The following SLC39A11 variants were observed in gnomAD, a reference collection of about 807,000 sequenced individuals.
SLC39A11 encodes the protein solute carrier family 39 member 11, also known as zinc transporter ZIP11.
A neutral mutation model predicts 36.1 loss-of-function variants in SLC39A11; 33 were observed. That is an observed-to-expected ratio of 0.91 (90% CI 0.69 to 1.22). The LOEUF is 1.22. Ranked by LOEUF, SLC39A11 falls within the 50% of genes most tolerant of loss-of-function variation. The pLI, the probability that SLC39A11 is intolerant of heterozygous loss-of-function variation, is 0.00. For missense variants in SLC39A11, 432 were observed against 430.3 expected (o/e 1.00, Z -0.03); for synonymous variants, 166 against 170.3 (o/e 0.97, Z 0.20).
At chr17:72,671,957 G>A (rs1026984064) in intron 7 of SLC39A11, among the ~76,000 whole-genome samples, 1 of 152,104 alleles carries the variant, frequency 6.6e-6, no homozygotes, top group Non-Finnish European at 1.5e-5. Flanking sequence ...ACACAGAATC[G>A]TGACTATAGT....
intron 5 of SLC39A11, among the ~76,000 whole-genome samples, chr17:72,899,833 G>T (rs1386394660): frequency 6.6e-6 from 1 of 151,940 alleles, no homozygotes; most frequent in Non-Finnish European, 1.5e-5. Flanking sequence ...GTGGGGGCAG[G>T]TGCCTGTAAT....
intron 1 of SLC39A11, among the ~76,000 whole-genome samples, chr17:73,089,300 CA>C (rs1374226509): frequency 1.3e-5 from 2 of 152,090 alleles, no homozygotes; most frequent in Non-Finnish European, 2.9e-5. Context: ...TTTTGATACC[CA>C]CCAACCCCCG....
intron 3 of SLC39A11, chr17:73,068,073 A>C: frequency 6.6e-7 from 1 of 1,508,506 alleles, no homozygotes; most frequent in East Asian, 2.3e-5. Context: ...TCTACTGCCC[A>C]CTTCTTTGTT....
intron 7 of SLC39A11, among the ~76,000 whole-genome samples, chr17:72,729,437 A>T (rs1567994861): frequency 4.0e-3 from 10 of 2,506 alleles, no homozygotes; most frequent in Admixed American, 0.016. Context: ...ATATATATAT[A>T]TATATATATA....
chr17:72,997,978 T>C (rs2089614061), intron 4 of SLC39A11, among the ~76,000 whole-genome samples: 1 of 152,200 alleles, frequency 6.6e-6, no homozygotes, highest in Non-Finnish European at 1.5e-5. Context: ...AAGAAAATCA[T>C]ATGCTGAGGT....
In SLC39A11 at chr17:72,883,523, C is replaced by A. The variant is rs150456848; in HGVS notation, c.431-33719G>T. 3.5e-3 allele frequency among the ~76,000 whole-genome samples: 532 copies of A among 151,834 alleles called. 3 individuals carry two copies. The highest frequency in any genetic ancestry group is 6.2e-3 in the Non-Finnish European group (420 of 68,018). On this transcript the variant is annotated intron_variant, in intron 5 of 9. Coordinates refer to ENST00000255559, the MANE Select transcript of SLC39A11 (RefSeq NM_139177.4). ...AAGGTTTCATGGTGGCAGAAGCTAGCCAGTTAATTACACGGAATCTGGGAA... is the reference window on the plus strand; with the variant it reads ...AAGGTTTCATGGTGGCAGAAGCTAGACAGTTAATTACACGGAATCTGGGAA...
chr17:72,849,396 T>C (rs1029125235), intron 6 of SLC39A11, among the ~76,000 whole-genome samples: 2 of 152,216 alleles, frequency 1.3e-5, no homozygotes, highest in Non-Finnish European at 2.9e-5. Context: ...AACAAATATG[T>C]AAACAAAAAG....
chr17:72,763,925 C>T (rs911493553), intron 6 of SLC39A11, among the ~76,000 whole-genome samples: 11 of 152,272 alleles, frequency 7.2e-5, no homozygotes, highest in African/African-American at 2.2e-4. Context: ...TGCTTATATC[C>T]GGTTCCATTT....
At chr17:72,814,067 A>G (rs557746116) in intron 6 of SLC39A11, among the ~76,000 whole-genome samples, 1 of 152,310 alleles carries the variant, frequency 6.6e-6, no homozygotes, top group Non-Finnish European at 1.5e-5. Context: ...CTAGAACAAC[A>G]CGGCATGTCT....
At chr17:72,661,632 C>G (rs974716747) in intron 7 of SLC39A11, among the ~76,000 whole-genome samples, 1 of 152,144 alleles carries the variant, frequency 6.6e-6, no homozygotes, top group Non-Finnish European at 1.5e-5. Context: ...GGCAGCCTGT[C>G]GAGGTGTTTG....
chr17:72,861,691 A>AATATATATATATATATAAAAT (rs1429991072), intron 5 of SLC39A11, among the ~76,000 whole-genome samples: 1 of 108,912 alleles, frequency 9.2e-6, no homozygotes, highest in African/African-American at 3.6e-5. Context: ...ATATATATAA[A>AATATATATATATATATAAAAT]ATATATATAT....
chr17:72,709,121 G>A (rs144127771), intron 7 of SLC39A11, among the ~76,000 whole-genome samples: 292 of 152,134 alleles, frequency 1.9e-3, no homozygotes, highest in African/African-American at 6.7e-3. Flanking sequence ...GTATTTTTTA[G>A]TAGAGACAGG....
intron 6 of SLC39A11, among the ~76,000 whole-genome samples, chr17:72,828,764 C>A (rs1379106650): frequency 6.6e-6 from 1 of 152,044 alleles, no homozygotes; most frequent in Non-Finnish European, 1.5e-5. Flanking sequence ...CCACCCTGGT[C>A]CAGGTGCTGC....
intron 3 of SLC39A11, among the ~76,000 whole-genome samples, chr17:73,080,738 C>T (rs946455670): frequency 6.6e-6 from 1 of 151,916 alleles, no homozygotes; most frequent in African/African-American, 2.4e-5. Flanking sequence ...TGAGGTCCAG[C>T]GTTTAAGACC....
At chr17:72,946,613 G>A (rs2085444478) in intron 5 of SLC39A11, among the ~76,000 whole-genome samples, 1 of 152,144 alleles carries the variant, frequency 6.6e-6, no homozygotes, top group African/African-American at 2.4e-5. Context: ...TCACTCAGGA[G>A]AGCACTCCAC....
intron 4 of SLC39A11, among the ~76,000 whole-genome samples, chr17:73,001,275 T>G (rs573530942): frequency 3.3e-4 from 50 of 152,098 alleles, no homozygotes; most frequent in African/African-American, 1.2e-3. Flanking sequence ...AGCCATTTGT[T>G]GTGTTAAATT....
intron 5 of SLC39A11, among the ~76,000 whole-genome samples, chr17:72,884,206 C>G (rs2146605006): frequency 6.6e-6 from 1 of 152,292 alleles, no homozygotes; most frequent in Middle Eastern, 3.4e-3. Context: ...CACAGTGCCC[C>G]TGGGCCTGCT....
At chr17:73,035,418 G>A (rs2058872015) in intron 3 of SLC39A11, among the ~76,000 whole-genome samples, 2 of 152,188 alleles carry the variant, frequency 1.3e-5, no homozygotes, top group South Asian at 2.1e-4. Context: ...GGGATTACAG[G>A]TGTGAGCCAC....
In SLC39A11 at chr17:72,900,156, A is replaced by G. The variant is rs868534918; in HGVS notation, c.430+47596T>C. On this transcript the variant is annotated intron_variant, in intron 5 of 9. Coordinates refer to ENST00000255559, the MANE Select transcript of SLC39A11 (RefSeq NM_139177.4). ...AAAGAAAGAAAAAGAAAGAAAGAAA[A>G]GAAAGAAAGAAAGAAAGAAAGAAAG... is the stretch of plus-strand genomic sequence containing the variant. 2.8e-4 allele frequency among the ~76,000 whole-genome samples: 8 copies of G among 28,248 alleles called. 2 individuals carry two copies. The highest frequency in any genetic ancestry group is 4.4e-4 in the African/African-American group (5 of 11,426). 18.5% of individuals were successfully genotyped at this position (28,248 alleles called of 152,430 possible).
Sources: allele counts gnomAD v4.1 joint callset (sites outside exome capture counted in the v4.1 genomes callset), GRCh38; gene constraint gnomAD v4.1.1; transcripts MANE v1.5; gene names NCBI Gene and HGNC (gene_info 2026-07-23, HGNC 2026-07-21).